UPK1A: variants seen among roughly 807,000 people sequenced by gnomAD.
UPK1A encodes uroplakin 1A.
UPK1A carries 31 observed loss-of-function variants against 32.3 expected under a neutral mutation model. That is an observed-to-expected ratio of 0.96 (90% CI 0.72 to 1.30). The LOEUF (loss-of-function observed/expected upper bound fraction) is 1.30. Ranked by LOEUF, UPK1A falls within the 50% of genes most tolerant of loss-of-function variation. The pLI, the probability that UPK1A is intolerant of heterozygous loss-of-function variation, is 0.00. For synonymous variants in UPK1A, 135 were observed against 137.1 expected (o/e 0.98, Z 0.11); for missense variants, 340 against 357.4 (o/e 0.95, Z 0.39).
At chr19:35,677,931 G>T (rs941578902) in intron 7 of UPK1A, 36 bp downstream of exon 7, 71 of 1,588,884 alleles carry the variant, frequency 4.5e-5, no homozygotes, top group Non-Finnish European at 5.6e-5. Flanking sequence ...GGGTGGGCTG[G>T]GGGTGGGGGG....
chr19:35,676,043 T>A, intron 6 of UPK1A, 24 bp downstream of exon 6: 1 of 1,602,434 alleles, frequency 6.2e-7, no homozygotes, highest in Non-Finnish European at 8.5e-7. Flanking sequence ...CCCTGCTCCA[T>A]CTGTCTATCC....
In UPK1A at chr19:35,676,007, C is replaced by A; in HGVS notation, c.636C>A (p.Tyr212Ter). The A allele has an allele frequency of 6.2e-7, 1 of 1,613,194 alleles. No homozygotes were observed. The highest frequency in any genetic ancestry group is 8.5e-7 in the Non-Finnish European group (1 of 1,179,652). The change falls in exon 6 of 8, where the codon TAC (tyrosine) becomes TAA (stop). Residue 212 changes from tyrosine (Y) to a stop codon, truncating the protein, a stop_gained. Transcript: ENST00000617999. LOFTEE classifies it high-confidence loss of function. ...GCTGCCGCCTGGGGCACATGGACTA[C>A]CTGTTCACCAAGGTGTGGCCGTCTG...
At chr19:35,675,932 C>A in exon 6 of UPK1A, 1 of 1,613,986 alleles carries the variant, frequency 6.2e-7, no homozygotes, top group Non-Finnish European at 8.5e-7. Flanking sequence ...TCCCCTGGCC[C>A]CCACTGTGCT....
At chr19:35,672,435 T>TATTTTTGC (rs1306949023) in intron 3 of UPK1A, among the ~76,000 whole-genome samples, 1 of 152,226 alleles carries the variant, frequency 6.6e-6, no homozygotes, top group East Asian at 1.9e-4. Context: ...CTAATTTTTG[T>TATTTTTGC]ATTTTTGCAT....
chr19:35,676,195 C>CTTTTTTT, intron 6 of UPK1A, 176 bp downstream of exon 6: 1 of 589,694 alleles, frequency 1.7e-6, no homozygotes. Context: ...TTCTTTCTTT[C>CTTTTTTT]TTTTTTTTTT....
intron 5 of UPK1A, among the ~76,000 whole-genome samples, chr19:35,674,816 C>T (rs1968157055): frequency 6.6e-6 from 1 of 151,904 alleles, no homozygotes; most frequent in African/African-American, 2.4e-5. Flanking sequence ...CAAAGGCGGG[C>T]AGATCACTTG....
intron 3 of UPK1A, among the ~76,000 whole-genome samples, chr19:35,672,960 C>T (rs1423880540): frequency 4.6e-5 from 7 of 152,136 alleles, no homozygotes; most frequent in Admixed American, 4.6e-4. Context: ...CAGGTGATCG[C>T]CCCCTCGGCC....
chr19:35,672,073 C>G (rs1181382990), intron 3 of UPK1A, among the ~76,000 whole-genome samples: 2 of 152,196 alleles, frequency 1.3e-5, no homozygotes, highest in Non-Finnish European at 2.9e-5. Context: ...CCTCCTGCTG[C>G]TTTATAGATG....
chr19:35,678,366 T>G (rs1599634400), exon 8 of UPK1A: 1 of 237,992 alleles, frequency 4.2e-6, no homozygotes, highest in East Asian at 8.2e-5. Flanking sequence ...ATTTGAGCTC[T>G]GGAAGCCTCT....
At chr19:35,673,177 G>A (rs1968127559) in intron 3 of UPK1A, 55 bp from the exon 4 acceptor site, 10 of 1,571,176 alleles carry the variant, frequency 6.4e-6, no homozygotes, top group Non-Finnish European at 6.1e-6. Context: ...CTTCCCTGAC[G>A]GGGTGTGGCT....
chr19:35,668,443 G>T lies in UPK1A; in HGVS notation c.85-11G>T, dbSNP rs201065272. Reference sequence around the variant, plus strand: ...CCCGAGCAGACCTTCCTAACCCACCGCTCTGTCCAGCTGTCAGGCCTGTCC... The same window carrying T: ...CCCGAGCAGACCTTCCTAACCCACCTCTCTGTCCAGCTGTCAGGCCTGTCC... On this transcript the variant is annotated splice_polypyrimidine_tract_variant and intron_variant, in intron 2 of 7. Transcript: ENST00000617999. The T allele has an allele frequency of 1.9e-6, 3 of 1,613,890 alleles. No homozygotes were observed. Among genetic ancestry groups the T allele is most frequent in the Non-Finnish European group, 1.7e-6 (2 of 1,180,020 alleles).
intron 2 of UPK1A, chr19:35,668,235 A>T: frequency 1.6e-6 from 1 of 612,256 alleles, no homozygotes; most frequent in Non-Finnish European, 2.9e-6. Context: ...CCCCGAAGAA[A>T]CTGGCAGCTG....
intron 5 of UPK1A, among the ~76,000 whole-genome samples, chr19:35,674,452 T>A (rs1968152797): frequency 6.6e-6 from 1 of 151,736 alleles, no homozygotes; most frequent in South Asian, 2.1e-4. Context: ...TTAGCCAGGA[T>A]GGTCTTGATC....
chr19:35,666,871 T>C (rs1179247108), exon 2 of UPK1A: 1 of 1,614,006 alleles, frequency 6.2e-7, no homozygotes. Context: ...GTGGGCCTGC[T>C]AGTTGTGGGC....
Position 35,668,340 on chromosome 19 carries a change from C to A in UPK1A, c.85-114C>A, listed in dbSNP as rs561715442. On this transcript the variant is annotated intron_variant, in intron 2 of 7. Coordinates refer to ENST00000617999, the Ensembl canonical transcript of UPK1A. ...TCATGGAAGGCGAGGTCTTTGCCCA[C>A]TTTACTGAGAGGGCAGTGGAGGCTC... The A allele has an allele frequency of 9.2e-6, 12 of 1,309,686 alleles. No individual in the cohort carries two copies. In the African/African-American group the frequency reaches 1.5e-4, roughly 16 times the overall value. The allele number at this position is 1,309,686 out of a possible 1,614,324, so 81.1% of individuals were successfully genotyped here.
At chr19:35,667,163 T>C (rs905120856) in intron 2 of UPK1A, among the ~76,000 whole-genome samples, 21 of 152,152 alleles carry the variant, frequency 1.4e-4, no homozygotes, top group Admixed American at 2.6e-4. Flanking sequence ...TGTGTGGCCC[T>C]CAGCTCAGAG....
chr19:35,675,195 C>G (rs1299002928), intron 5 of UPK1A, among the ~76,000 whole-genome samples: 1 of 152,170 alleles, frequency 6.6e-6, no homozygotes, highest in Non-Finnish European at 1.5e-5. Flanking sequence ...AAATTAAACA[C>G]CTGGATTCCT....
intron 3 of UPK1A, among the ~76,000 whole-genome samples, chr19:35,669,273 C>T (rs1417117081): frequency 4.6e-5 from 7 of 152,090 alleles, no homozygotes; most frequent in Admixed American, 3.9e-4. Flanking sequence ...CTGAGCAGAT[C>T]GGCTCTTGAG....
rs553637067 is a variant in UPK1A at position 35,666,903 on chromosome 19, C to A, written c.84+7C>A. ...GGGCAATATCATTATTCTGGTGAGACTCGCCCCAGTGCTGGGAGCCGAGTG... is the reference window on the plus strand; with the variant it reads ...GGGCAATATCATTATTCTGGTGAGAATCGCCCCAGTGCTGGGAGCCGAGTG... On this transcript the variant is annotated splice_region_variant and intron_variant, in intron 2 of 7. Transcript: ENST00000617999. 6.2e-7 allele frequency: 1 copy of A among 1,613,914 alleles called. No homozygotes were observed. Among genetic ancestry groups the A allele is most frequent in the South Asian group, 1.1e-5 (1 of 91,070 alleles).
Sources: gnomAD v4.1 joint callset for allele counts (sites outside exome capture counted in the v4.1 genomes callset) on GRCh38, gnomAD v4.1.1 for gene constraint, MANE v1.5 for transcripts, NCBI Gene and HGNC (gene_info 2026-07-23, HGNC 2026-07-21) for gene names.